GALNS: variants seen among roughly 807,000 people sequenced by gnomAD.
The protein encoded by GALNS is N-acetylgalactosamine-6-sulfatase.
A neutral mutation model predicts 65.9 loss-of-function variants in GALNS; 65 were observed. That is an observed-to-expected ratio of 0.99 (90% CI 0.81 to 1.21). The LOEUF is 1.21. GALNS is among the 50% of genes most tolerant of loss of function. The pLI is 0.00. For missense variants in GALNS, 776 were observed against 700.7 expected (o/e 1.11, Z -1.21); for synonymous variants, 346 against 288.9 (o/e 1.20, Z -2.00).
intron 13 of GALNS, chr16:88,815,071 C>T (rs116692101): frequency 0.066 from 58,360 of 879,456 alleles, 2,523 homozygotes; most frequent in East Asian, 0.51. Flanking sequence ...AGGTCAACCC[C>T]GGACCCCAAC....
intron 4 of GALNS, chr16:88,838,820 G>C (rs1219439521): frequency 1.3e-5 from 2 of 152,344 alleles, no homozygotes; most frequent in African/African-American, 4.8e-5. Flanking sequence ...CTACGGCTTT[G>C]AAAGCAGCAT....
chr16:88,828,775 C>G (rs1911182534), intron 9 of GALNS, among the ~76,000 whole-genome samples: 1 of 152,222 alleles, frequency 6.6e-6, no homozygotes, highest in Non-Finnish European at 1.5e-5. Context: ...GTCCCTGAAC[C>G]CACTACGCAT....
intron 5 of GALNS, 60 bp downstream of exon 5, chr16:88,837,562 G>A (rs1234900651): frequency 5.1e-5 from 80 of 1,569,096 alleles, no homozygotes; most frequent in Non-Finnish European, 7.0e-5. Context: ...GAGGCGGGGG[G>A]CAGGCACGCC....
chr16:88,815,617 C>T, intron 13 of GALNS: 4 of 985,484 alleles, frequency 4.1e-6, no homozygotes, highest in Non-Finnish European at 4.8e-6. Flanking sequence ...GTGTCCCCAT[C>T]CAGGCCACTT....
chr16:88,814,342 G>A lies in GALNS; in HGVS notation c.*97C>T. On this transcript the variant is annotated 3_prime_UTR_variant, in exon 14 of 14. Transcript: ENST00000268695. ...TGCAGGTGCTGTCTGTCTGGCTTGG[G>A]CAGGGTTGGGGGAGGACCGAGGCCA... is the stretch of plus-strand genomic sequence containing the variant. The A allele has an allele frequency of 1.3e-6, 2 of 1,487,626 alleles. No individual in the cohort carries two copies. Among genetic ancestry groups the A allele is most frequent in the Non-Finnish European group, 1.8e-6 (2 of 1,092,198 alleles). 92.2% of individuals were successfully genotyped at this position (1,487,626 alleles called of 1,614,324 possible).
intron 12 of GALNS, among the ~76,000 whole-genome samples, chr16:88,821,990 G>C (rs1044198624): frequency 1.3e-5 from 2 of 151,580 alleles, no homozygotes; most frequent in East Asian, 1.9e-4. Flanking sequence ...AGATGGGTTC[G>C]GACAAAAAAA....
intron 9 of GALNS, 58 bp from the exon 10 acceptor site, chr16:88,826,896 G>C: frequency 1.3e-6 from 2 of 1,547,890 alleles, no homozygotes; most frequent in Non-Finnish European, 1.7e-6. Flanking sequence ...ATGGGGCTGG[G>C]GGCCAATCCC....
intron 8 of GALNS, among the ~76,000 whole-genome samples, chr16:88,832,683 T>C (rs1314038442): frequency 6.6e-6 from 1 of 152,192 alleles, no homozygotes; most frequent in East Asian, 1.9e-4. Context: ...GGGGCCCACG[T>C]CAGGGACAAA....
intron 1 of GALNS, among the ~76,000 whole-genome samples, chr16:88,853,511 C>A (rs983072095): frequency 6.6e-6 from 1 of 152,184 alleles, no homozygotes; most frequent in African/African-American, 2.4e-5. Flanking sequence ...AGGAGCTGGC[C>A]TGGGTGGCCC....
intron 9 of GALNS, among the ~76,000 whole-genome samples, chr16:88,830,581 C>A (rs1027870095): frequency 2.0e-5 from 3 of 152,206 alleles, no homozygotes; most frequent in African/African-American, 7.2e-5. Flanking sequence ...AAACAGCGGT[C>A]GTTTACAAAC....
intron 9 of GALNS, among the ~76,000 whole-genome samples, chr16:88,830,413 C>T (rs950877452): frequency 3.9e-5 from 6 of 152,132 alleles, no homozygotes; most frequent in African/African-American, 1.2e-4. Context: ...CCACGCACGT[C>T]TTCACTCAGC....
chr16:88,819,930 G>T (rs1487457267), intron 12 of GALNS, among the ~76,000 whole-genome samples: 1 of 152,168 alleles, frequency 6.6e-6, no homozygotes, highest in African/African-American at 2.4e-5. Flanking sequence ...CTGACCTCAT[G>T]ATCTGCCTGC....
chr16:88,824,725 A>C (rs1292703935), intron 11 of GALNS, 42 bp downstream of exon 11: 1 of 1,543,396 alleles, frequency 6.5e-7, no homozygotes, highest in South Asian at 1.1e-5. Flanking sequence ...CTGGATAGAG[A>C]TGGGGGCAGC....
chr16:88,828,250 G>A (rs192374107), intron 9 of GALNS, among the ~76,000 whole-genome samples: 418 of 151,618 alleles, frequency 2.8e-3, no homozygotes, highest in African/African-American at 9.8e-3. Context: ...AAAAATAACT[G>A]CGGAGCAGTG....
chr16:88,829,955 G>C (rs1249406656), intron 9 of GALNS, among the ~76,000 whole-genome samples: 1 of 152,202 alleles, frequency 6.6e-6, no homozygotes, highest in African/African-American at 2.4e-5. Flanking sequence ...AACAGGCGCC[G>C]GGCGCGGTGG....
At chr16:88,826,247 G>A (rs1214992984) in intron 10 of GALNS, among the ~76,000 whole-genome samples, 1 of 142,584 alleles carries the variant, frequency 7.0e-6, no homozygotes, top group African/African-American at 2.6e-5. Flanking sequence ...GGTGGGGCAG[G>A]CAGGGGTGGC....
At chr16:88,848,703 C>G (rs1164894939) in intron 1 of GALNS, among the ~76,000 whole-genome samples, 1 of 152,170 alleles carries the variant, frequency 6.6e-6, no homozygotes, top group East Asian at 1.9e-4. Context: ...AAGCAGCAGC[C>G]TCGGGGCCTG....
intron 1 of GALNS, among the ~76,000 whole-genome samples, chr16:88,854,178 C>T (rs1244184209): frequency 1.3e-5 from 2 of 152,214 alleles, no homozygotes; most frequent in Non-Finnish European, 2.9e-5. Flanking sequence ...GTGCTGGGCC[C>T]AGAGCTGTGG....
At chr16:88,816,123 G>A in intron 13 of GALNS, 1 of 982,014 alleles carries the variant, frequency 1.0e-6, no homozygotes, top group Non-Finnish European at 1.2e-6. Context: ...GGTCTGAGTT[G>A]GCACTTTTCC....
Sources: gnomAD v4.1 joint callset for allele counts (sites outside exome capture counted in the v4.1 genomes callset) on GRCh38, gnomAD v4.1.1 for gene constraint, MANE v1.5 for transcripts, NCBI Gene and HGNC (gene_info 2026-07-23, HGNC 2026-07-21) for gene names.